Variants in CNTNAP2 observed in about 807,000 individuals in gnomAD.
CNTNAP2 encodes the protein contactin associated protein 2.
Under a neutral mutation model 155.2 loss-of-function variants are expected in CNTNAP2, and 98 were observed. The observed-to-expected ratio is 0.63, with a 90% CI of 0.54 to 0.75. The LOEUF (loss-of-function observed/expected upper bound fraction) is 0.75, where lower values mean the gene tolerates loss of function less well. Ranked by LOEUF, CNTNAP2 falls within the 30% of genes least tolerant of loss-of-function variation. The pLI is 0.00. For synonymous variants in CNTNAP2, 651 were observed against 631.2 expected (o/e 1.03, Z -0.47); for missense variants, 1,727 against 1,688.1 (o/e 1.02, Z -0.40).
intron 15 of CNTNAP2, among the ~76,000 whole-genome samples, chr7:148,074,614 G>A (rs1260115913): frequency 6.6e-6 from 1 of 151,998 alleles, no homozygotes; most frequent in South Asian, 2.1e-4. Flanking sequence ...GCTTGAACTC[G>A]GAGGTGGAGG....
intron 11 of CNTNAP2, among the ~76,000 whole-genome samples, chr7:147,553,801 T>C (rs1040798804): frequency 6.6e-6 from 1 of 152,058 alleles, no homozygotes; most frequent in South Asian, 2.1e-4. Context: ...TGAAACCCTG[T>C]CTCTACTAAA....
chr7:146,865,466 G>A (rs907977300), intron 3 of CNTNAP2, among the ~76,000 whole-genome samples: 1 of 151,640 alleles, frequency 6.6e-6, no homozygotes, highest in Non-Finnish European at 1.5e-5. Flanking sequence ...TAGATGAAGA[G>A]TCCAAAATTG....
At chr7:148,195,352 G>C (rs954505714) in intron 18 of CNTNAP2, among the ~76,000 whole-genome samples, 1 of 152,140 alleles carries the variant, frequency 6.6e-6, no homozygotes. Flanking sequence ...TTTTTCATGT[G>C]AGTTTTCCAT....
At chr7:146,497,353 TA>T (rs1797234059) in intron 1 of CNTNAP2, among the ~76,000 whole-genome samples, 2 of 152,228 alleles carry the variant, frequency 1.3e-5, no homozygotes, top group African/African-American at 4.8e-5. Context: ...TAATCATTTT[TA>T]TCAAGAATTG....
intron 21 of CNTNAP2, among the ~76,000 whole-genome samples, chr7:148,301,171 G>T (rs1797380215): frequency 6.6e-6 from 1 of 151,716 alleles, no homozygotes; most frequent in Non-Finnish European, 1.5e-5. Context: ...GCATGCGCCT[G>T]TAATCCCAGC....
At chr7:146,938,194 T>C (rs1388303186) in intron 3 of CNTNAP2, among the ~76,000 whole-genome samples, 3 of 152,098 alleles carry the variant, frequency 2.0e-5, no homozygotes, top group East Asian at 3.9e-4. Context: ...AGTAAATCTA[T>C]AATCTAAGAA....
At chr7:147,801,082 A>G (rs1797975146) in intron 13 of CNTNAP2, among the ~76,000 whole-genome samples, 1 of 152,166 alleles carries the variant, frequency 6.6e-6, no homozygotes, top group African/African-American at 2.4e-5. Context: ...CTACTGGAAA[A>G]CAAAATATTT....
intron 12 of CNTNAP2, among the ~76,000 whole-genome samples, chr7:147,604,059 AC>A (rs1801009555): frequency 1.3e-5 from 2 of 152,224 alleles, no homozygotes; most frequent in African/African-American, 4.8e-5. Context: ...TACACCTTAT[AC>A]AAAAATTAAT....
intron 1 of CNTNAP2, among the ~76,000 whole-genome samples, chr7:146,330,149 A>C (rs886864075): frequency 6.6e-6 from 1 of 150,612 alleles, no homozygotes; most frequent in Non-Finnish European, 1.5e-5. Flanking sequence ...CAGCCTCCCA[A>C]GTAGCTGGGA....
At chr7:147,274,781 T>G (rs142810065) in intron 8 of CNTNAP2, among the ~76,000 whole-genome samples, 1 of 152,122 alleles carries the variant, frequency 6.6e-6, no homozygotes, top group Non-Finnish European at 1.5e-5. Context: ...TCCTAGGATA[T>G]TTCATGTTTT....
At chr7:147,343,887 G>T (rs140274155) in intron 9 of CNTNAP2, among the ~76,000 whole-genome samples, 2 of 152,222 alleles carry the variant, frequency 1.3e-5, no homozygotes, top group Non-Finnish European at 1.5e-5. Context: ...CTTCTAAAGT[G>T]ACCAGATTTA....
chr7:147,522,731 T>C (rs144818774), intron 11 of CNTNAP2, among the ~76,000 whole-genome samples: 3,464 of 147,616 alleles, frequency 0.023, 152 homozygotes, highest in African/African-American at 0.082. Context: ...TAGCTGATGC[T>C]GTGCCCATAC....
intron 1 of CNTNAP2, among the ~76,000 whole-genome samples, chr7:146,181,553 T>G (rs1002371030): frequency 1.3e-5 from 2 of 152,124 alleles, no homozygotes; most frequent in African/African-American, 4.8e-5. Context: ...TCTCATGCCA[T>G]CCAATAACTT....
At chr7:147,736,153 C>T (rs1796838850) in intron 13 of CNTNAP2, among the ~76,000 whole-genome samples, 3 of 151,908 alleles carry the variant, frequency 2.0e-5, no homozygotes, top group African/African-American at 7.2e-5. Flanking sequence ...TTTTCAGTGG[C>T]TGTTACTGGT....
intron 1 of CNTNAP2, among the ~76,000 whole-genome samples, chr7:146,720,963 C>CTCTATAT (rs1801280535): frequency 1.6e-5 from 2 of 124,252 alleles, no homozygotes; most frequent in African/African-American, 7.2e-5. Flanking sequence ...TATATATATA[C>CTCTATAT]AGTATATATA....
At chr7:148,249,017 C>T (rs191926781) in intron 20 of CNTNAP2, among the ~76,000 whole-genome samples, 39 of 152,224 alleles carry the variant, frequency 2.6e-4, no homozygotes, top group African/African-American at 8.4e-4. Context: ...AATCTTCTTT[C>T]GTGAAGTGTC....
chr7:148,229,799 T>C lies in CNTNAP2; in HGVS notation c.3381+20T>C, dbSNP rs587780902. ...CTCAAGGTATACATACATGTACATA[T>C]AAATTACATATAATATCGCATTATA... is the stretch of plus-strand genomic sequence containing the variant. On this transcript the variant is annotated intron_variant, in intron 20 of 23. Transcript: ENST00000361727. 484 of 1,613,630 alleles carry C rather than the reference T, an allele frequency of 3.0e-4. No homozygotes were observed. The highest frequency in any genetic ancestry group is 3.9e-4 in the Non-Finnish European group (457 of 1,179,842).
At chr7:146,804,811 C>T (rs780851962) in intron 2 of CNTNAP2, among the ~76,000 whole-genome samples, 5 of 152,146 alleles carry the variant, frequency 3.3e-5, no homozygotes, top group Non-Finnish European at 7.3e-5. Context: ...TCACACAAAG[C>T]CCCAGTCTCA....
chr7:147,701,895 C>A (rs1796240042), intron 13 of CNTNAP2, among the ~76,000 whole-genome samples: 1 of 152,010 alleles, frequency 6.6e-6, no homozygotes. Flanking sequence ...CGGAAGGAAC[C>A]CTGTTAGAGA....
Sources: gnomAD v4.1 joint callset for allele counts (sites outside exome capture counted in the v4.1 genomes callset) on GRCh38, gnomAD v4.1.1 for gene constraint, MANE v1.5 for transcripts, NCBI Gene and HGNC (gene_info 2026-07-23, HGNC 2026-07-21) for gene names.